Variants in EPS15L1 observed in about 807,000 individuals in gnomAD.
EPS15L1 encodes the protein epidermal growth factor receptor pathway substrate 15 like 1.
A neutral mutation model predicts 117.1 loss-of-function variants in EPS15L1; 43 were observed. That is an observed-to-expected ratio of 0.37 (90% confidence interval 0.29 to 0.47). The LOEUF is 0.47. Ranked by LOEUF, EPS15L1 falls within the 20% of genes least tolerant of loss-of-function variation. The pLI, the probability that EPS15L1 is intolerant of heterozygous loss-of-function variation, is 0.99. For synonymous variants in EPS15L1, 459 were observed against 470.5 expected (o/e 0.98, Z 0.32); for missense variants, 981 against 1,164.0 (o/e 0.84, Z 2.29).
At chr19:16,448,948 T>C (rs1295363158) in intron 1 of EPS15L1, among the ~76,000 whole-genome samples, 2 of 152,008 alleles carry the variant, frequency 1.3e-5, no homozygotes, top group Non-Finnish European at 2.9e-5. Context: ...AGCTCTCAAA[T>C]TCAACAGCAT....
At position 16,421,390 on chromosome 19, in the gene EPS15L1, G is replaced by A. The variant is rs1304471830; in HGVS notation, c.879C>T (p.Tyr293=). Reference sequence around the variant, plus strand: ...TCTCCTTCACCTCCTGGCCACTCACGTAGCCATCCAGGTCCAGGTCGGTCT... The same window carrying A: ...TCTCCTTCACCTCCTGGCCACTCACATAGCCATCCAGGTCCAGGTCGGTCT... ...FLKTDLDLDG[Y]VSGQEVKEIF... is the part of the protein sequence containing the mutation. Residue 293 remains tyrosine, a synonymous_variant, in exon 10 of 24, where the codon TAC becomes TAT. Transcript: ENST00000455140. 8 of 1,613,998 alleles carry A rather than the reference G, an allele frequency of 5.0e-6. No homozygotes were observed. The highest frequency in any genetic ancestry group is 1.7e-5 in the Admixed American group (1 of 60,006).
intron 22 of EPS15L1, among the ~76,000 whole-genome samples, chr19:16,363,084 T>A (rs1254355949): frequency 1.3e-5 from 2 of 151,944 alleles, no homozygotes; most frequent in South Asian, 4.2e-4. Context: ...CCTGTTAAGA[T>A]CTGCTTGGTG....
chr19:16,443,303 A>G (rs2093050728), intron 1 of EPS15L1, among the ~76,000 whole-genome samples: 1 of 152,204 alleles, frequency 6.6e-6, no homozygotes, highest in African/African-American at 2.4e-5. Context: ...ATTTCTCACA[A>G]TGAATAAAAC....
chr19:16,384,649 A>ACTC lies in EPS15L1; in HGVS notation c.2247+477_2247+479dup, dbSNP rs572653248. ...CGCTGCTGTCCTCCTTCAACAGTTCACTCCTCACCTGTGGATCTGTCTGCA... is the reference window on the plus strand; with the variant it reads ...CGCTGCTGTCCTCCTTCAACAGTTCACTCCTCCTCACCTGTGGATCTGTCTGCA... On this transcript the variant is annotated intron_variant, in intron 21 of 23. Transcript: ENST00000455140. 2.6e-4 allele frequency among the ~76,000 whole-genome samples: 39 copies of ACTC among 151,130 alleles called. No individual in the cohort carries two copies. In the South Asian group the frequency reaches 3.8e-3, roughly 15 times the overall value.
At chr19:16,374,563 T>A (rs970638180) in intron 22 of EPS15L1, among the ~76,000 whole-genome samples, 21 of 151,818 alleles carry the variant, frequency 1.4e-4, no homozygotes, top group African/African-American at 5.1e-4. Flanking sequence ...CAAGGTGGGG[T>A]GGGTAGGCTT....
chr19:16,364,995 G>A (rs1469991407), intron 22 of EPS15L1, among the ~76,000 whole-genome samples: 2 of 152,214 alleles, frequency 1.3e-5, no homozygotes. Context: ...TTGTCCAGGT[G>A]GCACCTCCTT....
rs1031126033 is a variant in EPS15L1, at chr19:16,459,039, G to A, written c.33+12874C>T. On this transcript the variant is annotated intron_variant, in intron 1 of 23. Transcript: ENST00000455140. Reference sequence around the variant, plus strand: ...GCTACAAACCTGGGCAGCGTGGCCCGGTACAGAAAACTGCAGGCAACTGTA... The same window carrying A: ...GCTACAAACCTGGGCAGCGTGGCCCAGTACAGAAAACTGCAGGCAACTGTA... Among the ~76,000 whole-genome samples the A allele has an allele frequency of 1.1e-4, 17 of 152,318 alleles. No individual in the cohort carries two copies. The East Asian group carries it at 1.9e-3, about 17-fold the overall frequency.
chr19:16,384,590 C>T (rs1050376900), intron 21 of EPS15L1, among the ~76,000 whole-genome samples: 6 of 152,168 alleles, frequency 3.9e-5, no homozygotes, highest in East Asian at 1.9e-4. Context: ...TGGTGAGGGC[C>T]GGACACCAAC....
chr19:16,421,597 C>T, intron 9 of EPS15L1, 121 bp from the exon 10 acceptor site: 1 of 1,043,494 alleles, frequency 9.6e-7, no homozygotes. Flanking sequence ...ACTCTCCTCA[C>T]TTCCATGAGC....
At chr19:16,421,936 C>T (rs552243852) in intron 9 of EPS15L1, among the ~76,000 whole-genome samples, 1 of 152,228 alleles carries the variant, frequency 6.6e-6, no homozygotes, top group Non-Finnish European at 1.5e-5. Context: ...AGTGTCCTGT[C>T]CCAGGACTCT....
intron 22 of EPS15L1, among the ~76,000 whole-genome samples, chr19:16,364,057 C>T (rs1001114760): frequency 2.0e-5 from 3 of 152,168 alleles, no homozygotes; most frequent in African/African-American, 7.2e-5. Flanking sequence ...TTCCAGACTC[C>T]TTGTCTGTGT....
intron 1 of EPS15L1, among the ~76,000 whole-genome samples, chr19:16,447,213 G>A (rs1385255576): frequency 6.6e-6 from 1 of 152,154 alleles, no homozygotes; most frequent in Admixed American, 6.5e-5. Flanking sequence ...AAAGGCATCA[G>A]GGAAACGCTG....
chr19:16,441,314 T>C (rs1229753879), intron 3 of EPS15L1: 1 of 206,502 alleles, frequency 4.8e-6, no homozygotes, highest in African/African-American at 2.3e-5. Context: ...CTACTAAAAA[T>C]ACAAAAAATT....
In EPS15L1 at chr19:16,365,469, C is replaced by A. The variant is rs1297963629; in HGVS notation, c.2381-3485G>T. On this transcript the variant is annotated intron_variant, in intron 22 of 23. Coordinates refer to ENST00000455140, the MANE Select transcript of EPS15L1 (RefSeq NM_001258374.3). The surrounding 1 kb of genome is among the most constrained non-coding windows in gnomAD (Gnocchi z 4.9). ...AGGAGAGGTCTCAGAAGAAACCAAC[C>A]CCACTGGCGCCTTGATCTTGGACTT... is the stretch of plus-strand genomic sequence containing the variant. Among the ~76,000 whole-genome samples, 1 of 152,192 alleles carries A rather than the reference C, an allele frequency of 6.6e-6. No homozygotes were observed. Among genetic ancestry groups the A allele is most frequent in the Non-Finnish European group, 1.5e-5 (1 of 68,024 alleles).
chr19:16,444,623 C>G (rs1402791873), intron 1 of EPS15L1, among the ~76,000 whole-genome samples: 1 of 152,124 alleles, frequency 6.6e-6, no homozygotes, highest in Non-Finnish European at 1.5e-5. Flanking sequence ...AGCACATCGC[C>G]TGCCATGGGT....
chr19:16,450,730 G>A lies in EPS15L1; in HGVS notation c.34-8511C>T, dbSNP rs11882196. 1.8e-3 allele frequency among the ~76,000 whole-genome samples: 274 copies of A among 151,988 alleles called. 1 individual carries two copies. Among genetic ancestry groups the A allele is most frequent in the African/African-American group, 6.2e-3 (255 of 41,460 alleles). On this transcript the variant is annotated intron_variant, in intron 1 of 23. Coordinates refer to ENST00000455140, the MANE Select transcript of EPS15L1 (RefSeq NM_001258374.3). The stretch of plus-strand genomic sequence containing the variant: ...CCTCCTGACCTCAGGTGATCCACCC[G>A]CCTCAGCCTCCCAAAGTGCTGGGAT...
chr19:16,366,117 G>A (rs1267328493), intron 22 of EPS15L1, among the ~76,000 whole-genome samples: 1 of 152,216 alleles, frequency 6.6e-6, no homozygotes, highest in Admixed American at 6.5e-5. Context: ...ACAGTTAAGT[G>A]TTTCCAGGGG....
At chr19:16,456,885 G>A (rs900197539) in intron 1 of EPS15L1, among the ~76,000 whole-genome samples, 3 of 152,126 alleles carry the variant, frequency 2.0e-5, no homozygotes, top group Non-Finnish European at 2.9e-5. Context: ...GGAAGGGCAT[G>A]TGCATAGGAT....
At position 16,371,693 on chromosome 19, in the gene EPS15L1, C is replaced by T. The variant is rs934406156; in HGVS notation, c.2380+5429G>A. 6.6e-6 allele frequency among the ~76,000 whole-genome samples: 1 copy of T among 152,124 alleles called. No individual in the cohort carries two copies. Among genetic ancestry groups the T allele is most frequent in the Non-Finnish European group, 1.5e-5 (1 of 68,036 alleles). On this transcript the variant is annotated intron_variant, in intron 22 of 23. Transcript: ENST00000455140. The surrounding 1 kb of genome is among the most constrained non-coding windows in gnomAD (Gnocchi z 4.7). The stretch of plus-strand genomic sequence containing the variant: ...AGGAAGTGGCAAGGGTGGGGCCGGT[C>T]GCAGGATCCCACTATCGCAGCAGGG...
Sources: allele counts gnomAD v4.1 joint callset (sites outside exome capture counted in the v4.1 genomes callset), GRCh38; gene constraint gnomAD v4.1.1; non-coding constraint Gnocchi (gnomAD v3.1); transcripts MANE v1.5; gene names NCBI Gene and HGNC (gene_info 2026-07-23, HGNC 2026-07-21).